COPG2: variants seen among roughly 807,000 people sequenced by gnomAD.
COPG2 encodes the protein coat protein complex I subunit gamma 2.
A neutral mutation model predicts 46.3 loss-of-function variants in COPG2; 37 were observed. That is an observed-to-expected ratio of 0.80 (90% CI 0.61 to 1.05). The LOEUF is 1.05. Ranked by LOEUF, COPG2 falls within the 50% of genes least tolerant of loss-of-function variation. The pLI, the probability that COPG2 is intolerant of heterozygous loss-of-function variation, is 0.00. For synonymous variants in COPG2, 159 were observed against 129.7 expected (o/e 1.23, Z -1.53); for missense variants, 427 against 387.8 (o/e 1.10, Z -0.85).
chr7:130,624,721 C>A (rs1242655930), intron 5 of COPG2, among the ~76,000 whole-genome samples: 1 of 152,168 alleles, frequency 6.6e-6, no homozygotes, highest in East Asian at 1.9e-4. Context: ...CCAGTTCCAT[C>A]CAAGTTGCTG....
Position 130,550,594 on chromosome 7 carries a change from C to T in COPG2, c.1704G>A (p.Glu568=). 1 of 398,180 alleles carries T rather than the reference C, an allele frequency of 2.5e-6. No individual in the cohort carries two copies. The highest frequency in any genetic ancestry group is 4.4e-6 in the Non-Finnish European group (1 of 225,890). The allele number at this position is 398,180 out of a possible 1,614,324, so 24.7% of individuals were successfully genotyped here. ...TCATGTCAAACGGTTTTTCTGAAGG[C>T]TCCAACGTGTACTGGTGTAAGGCTT... The part of the protein sequence containing the change: ...MEKALHQYTL[E]PSEKPFDMKS... The change falls in exon 17 of 24, where the codon GAG becomes GAA. Residue 568 remains glutamate (E), a synonymous_variant. Coordinates refer to ENST00000425248, the MANE Select transcript of COPG2 (RefSeq NM_012133.6).
intron 5 of COPG2, among the ~76,000 whole-genome samples, chr7:130,642,018 T>A (rs541765216): frequency 2.0e-5 from 3 of 152,218 alleles, no homozygotes; most frequent in Non-Finnish European, 2.9e-5. Flanking sequence ...TACTTCCTAA[T>A]GTGAGTGATG....
At chr7:130,598,691 T>C (rs1554450022) in intron 9 of COPG2, among the ~76,000 whole-genome samples, 2 of 152,180 alleles carry the variant, frequency 1.3e-5, no homozygotes. Flanking sequence ...TCGGAGGGGC[T>C]TGCGCTGCAA....
chr7:130,526,845 G>A (rs965128281), intron 20 of COPG2, among the ~76,000 whole-genome samples: 1,853 of 146,642 alleles, frequency 0.013, 46 homozygotes, highest in African/African-American at 0.045. Context: ...GATGGGGTTC[G>A]GGGTGGGATT....
intron 5 of COPG2, among the ~76,000 whole-genome samples, chr7:130,637,946 T>C (rs1050209930): frequency 4.6e-5 from 7 of 152,192 alleles, no homozygotes; most frequent in Non-Finnish European, 1.5e-5. Context: ...GCTATTCCTT[T>C]CTGTTTGTTA....
rs1793497068 is a variant in COPG2, at chr7:130,549,298, C to G, written c.1837+16G>C. The G allele has an allele frequency of 2.5e-6, 1 of 398,340 alleles. No homozygotes were observed. Among genetic ancestry groups the G allele is most frequent in the Admixed American group, 4.4e-5 (1 of 22,706 alleles). The allele number at this position is 398,340 out of a possible 1,614,324, so 24.7% of individuals were successfully genotyped here. A position where few individuals can be genotyped will look rare whatever the true frequency, so the allele number is the denominator to read the frequency against. On this transcript the variant is annotated intron_variant, in intron 18 of 23. Transcript: ENST00000425248. ...TAGGGGAAAGATTATTACGTCTAAC[C>G]ATCAAATCATCATACCTTGGAAAAT... is the stretch of plus-strand genomic sequence containing the variant.
At chr7:130,629,890 A>G (rs1468003248) in intron 5 of COPG2, among the ~76,000 whole-genome samples, 1 of 149,256 alleles carries the variant, frequency 6.7e-6, no homozygotes, top group African/African-American at 2.5e-5. Flanking sequence ...ACTGTTTTTA[A>G]TTACTAGCAT....
intron 5 of COPG2, among the ~76,000 whole-genome samples, chr7:130,646,958 CATATATATATGTGTATATATATATGTAT>C (rs1289062070): frequency 0.26 from 35,562 of 135,394 alleles, 5,598 homozygotes; most frequent in African/African-American, 0.43. Context: ...TATATATATG[CATATATATATGTGTATATATATATGTAT>C]ATATATATAT....
chr7:130,638,822 G>A (rs544780446), intron 5 of COPG2, among the ~76,000 whole-genome samples: 55 of 151,988 alleles, frequency 3.6e-4, no homozygotes, highest in Non-Finnish European at 6.9e-4. Context: ...CCAAACGGCC[G>A]CCCAGTTTTG....
At chr7:130,663,145 C>A in intron 3 of COPG2, 107 bp from the exon 4 acceptor site, 1 of 619,696 alleles carries the variant, frequency 1.6e-6, no homozygotes, top group Non-Finnish European at 2.7e-6. Flanking sequence ...CTTTAGAACT[C>A]AAGAAAAAAG....
chr7:130,648,051 T>A (rs1795654176), intron 5 of COPG2, among the ~76,000 whole-genome samples: 1 of 152,148 alleles, frequency 6.6e-6, no homozygotes, highest in African/African-American at 2.4e-5. Flanking sequence ...GATTTTAATT[T>A]GCATTTCCCT....
In COPG2 at chr7:130,668,679, T is replaced by C. The variant is rs374274812; in HGVS notation, c.-11A>G. 4.1e-5 allele frequency: 63 copies of C among 1,537,118 alleles called. No individual in the cohort carries two copies. The highest frequency in any genetic ancestry group is 5.1e-5 in the Non-Finnish European group (58 of 1,143,586). On this transcript the variant is annotated 5_prime_UTR_variant, in exon 1 of 24. Coordinates refer to ENST00000425248, the MANE Select transcript of COPG2 (RefSeq NM_012133.6). ...GAATTTTTTAATCATCTTGGACGACTTCCCAGCGCCCAGACCCACCGCAAC... is the reference window on the plus strand; with the variant it reads ...GAATTTTTTAATCATCTTGGACGACCTCCCAGCGCCCAGACCCACCGCAAC...
chr7:130,648,007 C>A (rs559581296), intron 5 of COPG2, among the ~76,000 whole-genome samples: 5 of 152,066 alleles, frequency 3.3e-5, no homozygotes, highest in African/African-American at 1.2e-4. Context: ...TGGGATTACA[C>A]GCGTGAGCCA....
At chr7:130,535,293 G>A in intron 20 of COPG2, among the ~76,000 whole-genome samples, 1 of 152,106 alleles carries the variant, frequency 6.6e-6, no homozygotes, top group Non-Finnish European at 1.5e-5. Context: ...GTGGGACAAT[G>A]AGGCAGCGCC....
At position 130,615,484 on chromosome 7, in the gene COPG2, C is replaced by T. The variant is rs1381680623; in HGVS notation, c.399+1506G>A. On this transcript the variant is annotated intron_variant, in intron 6 of 23. Transcript: ENST00000425248. ...AGGGGAAGTTTAAGATTCTGATAGGCCACCCCAACAAGTTTTTTGATCAGG... is the reference window on the plus strand; with the variant it reads ...AGGGGAAGTTTAAGATTCTGATAGGTCACCCCAACAAGTTTTTTGATCAGG... Among the ~76,000 whole-genome samples, 6 of 152,264 alleles carry T rather than the reference C, an allele frequency of 3.9e-5. 1 individual carries two copies. In the Middle Eastern group the frequency reaches 0.01, roughly 259 times the overall value.
intron 9 of COPG2, among the ~76,000 whole-genome samples, chr7:130,569,318 C>G (rs1363216986): frequency 6.6e-6 from 1 of 151,990 alleles, no homozygotes; most frequent in Non-Finnish European, 1.5e-5. Context: ...ATTACCAAGA[C>G]TAACCAAGAA....
intron 20 of COPG2, among the ~76,000 whole-genome samples, chr7:130,514,953 C>T (rs1450549603): frequency 6.6e-6 from 1 of 152,082 alleles, no homozygotes; most frequent in Non-Finnish European, 1.5e-5. Flanking sequence ...GAAGGAAAGA[C>T]CTGAATAGGA....
intron 20 of COPG2, among the ~76,000 whole-genome samples, chr7:130,531,914 A>G (rs1248830894): frequency 1.3e-5 from 2 of 152,156 alleles, no homozygotes; most frequent in East Asian, 1.9e-4. Flanking sequence ...TCTGAGGGGT[A>G]AGCAGTGTTC....
intron 20 of COPG2, among the ~76,000 whole-genome samples, chr7:130,530,098 G>A (rs1160237953): frequency 6.6e-6 from 1 of 152,102 alleles, no homozygotes; most frequent in East Asian, 1.9e-4. Context: ...AAGGTAGAGA[G>A]CAAGAGAGGA....
Sources: allele counts gnomAD v4.1 joint callset (sites outside exome capture counted in the v4.1 genomes callset), GRCh38; gene constraint gnomAD v4.1.1; transcripts MANE v1.5; gene names NCBI Gene and HGNC (gene_info 2026-07-23, HGNC 2026-07-21).